The following CFAP74 variants were observed in gnomAD, a reference collection of about 807,000 sequenced individuals.
CFAP74 encodes the protein cilia and flagella associated protein 74.
CFAP74 carries 124 observed loss-of-function variants against 188.9 expected under a neutral mutation model. That is an observed-to-expected ratio of 0.66 (90% CI 0.57 to 0.76). The LOEUF is 0.76. Among genes scored for constraint, CFAP74 ranks in the 30% least tolerant of loss-of-function variants. CFAP74 has a pLI of 0.00. For missense variants in CFAP74, 2,198 were observed against 2,165.2 expected (o/e 1.02, Z -0.30); for synonymous variants, 956 against 916.7 (o/e 1.04, Z -0.77).
chr1:1,989,485 C>T (rs1226895739), intron 2 of CFAP74, among the ~76,000 whole-genome samples: 2 of 152,014 alleles, frequency 1.3e-5, no homozygotes, highest in Non-Finnish European at 2.9e-5. Context: ...ATGAACCTGA[C>T]GTGGAGTCTC....
intron 10 of CFAP74, among the ~76,000 whole-genome samples, chr1:1,969,241 C>A (rs1486974666): frequency 9.8e-6 from 1 of 102,316 alleles, no homozygotes; most frequent in Non-Finnish European, 2.1e-5. Flanking sequence ...CCCAACCCAG[C>A]CCTGCCCAGC....
intron 12 of CFAP74, 87 bp downstream of exon 12, chr1:1,966,284 G>A: frequency 7.9e-7 from 1 of 1,270,640 alleles, no homozygotes; most frequent in Non-Finnish European, 1.1e-6. Context: ...AGCAGCTGGT[G>A]TGGCCGGGGC....
At chr1:1,969,299 A>AGCCCAGCCCTGCACT (rs1388823036) in intron 10 of CFAP74, among the ~76,000 whole-genome samples, 1 of 93,400 alleles carries the variant, frequency 1.1e-5, no homozygotes, top group African/African-American at 4.2e-5. Context: ...AGGCCTTCCC[A>AGCCCAGCCCTGCACT]GCCCAGCCCT....
chr1:1,964,902 G>GCTC lies in CFAP74; in HGVS notation c.1558_1560dup (p.Glu520dup). 1 of 1,613,728 alleles carries GCTC rather than the reference G, an allele frequency of 6.2e-7. No homozygotes were observed. Among genetic ancestry groups the GCTC allele is most frequent in the Non-Finnish European group, 8.5e-7 (1 of 1,179,938 alleles). ...TGCGGGCTCACCTGGAAGTGGAGGA[G>GCTC]CTCCGGTTTGCTGTTGAAGGGGCGT... is the stretch of plus-strand genomic sequence containing the variant. On this transcript the variant is annotated inframe_insertion, in exon 13 of 39. Coordinates refer to ENST00000682832, the MANE Select transcript of CFAP74 (RefSeq NM_001304360.2).
At chr1:1,924,664 C>T (rs1463514410) in intron 33 of CFAP74, 144 bp from the exon 34 acceptor site, 233 of 822,988 alleles carry the variant, frequency 2.8e-4, no homozygotes, top group Middle Eastern at 3.5e-4. Flanking sequence ...GCACACGTGG[C>T]GGTTTATTGA....
Position 1,923,740 on chromosome 1 carries a change from C to G in CFAP74, c.4389+35G>C. 4.3e-6 allele frequency: 7 copies of G among 1,612,640 alleles called. No individual in the cohort carries two copies. Among genetic ancestry groups the G allele is most frequent in the Non-Finnish European group, 5.9e-6 (7 of 1,179,662 alleles). On this transcript the variant is annotated intron_variant, in intron 35 of 38. Transcript: ENST00000682832. This position sits in a 1 kb window ranked among gnomAD's most constrained non-coding sequence, Gnocchi z 6.3. ...GCAAGGCCCTGCGTGGGGCCAGGGC[C>G]GGGCCGGGCTGAGCTTGCAGAGCCA... is the stretch of plus-strand genomic sequence containing the variant.
At chr1:1,922,542 C>T (rs745995329) in intron 38 of CFAP74, 47 bp downstream of exon 38, 2 of 1,600,224 alleles carry the variant, frequency 1.2e-6, no homozygotes, top group Admixed American at 3.4e-5. Flanking sequence ...CCCACCCAGC[C>T]TTTGGCGTTC....
At chr1:1,930,637 G>A (rs1334459675) in intron 25 of CFAP74, among the ~76,000 whole-genome samples, 1 of 152,154 alleles carries the variant, frequency 6.6e-6, no homozygotes, top group Non-Finnish European at 1.5e-5. Context: ...GCTCACTGTA[G>A]CCTCGAACTC....
rs1653830313 is a variant in CFAP74 at position 1,947,181 on chromosome 1, G to A, written c.2177-127C>T. 4.0e-5 allele frequency: 30 copies of A among 750,352 alleles called. 1 individual carries two copies. In the South Asian group the frequency reaches 4.8e-4, roughly 12 times the overall value. The allele number at this position is 750,352 out of a possible 1,614,324, so 46.5% of individuals were successfully genotyped here. ...GGCTCTGTTCTTTCTGAACATAGTG[G>A]AGCCATCCGTGTGGCCCCTTGGGGC... On this transcript the variant is annotated intron_variant, in intron 18 of 38. Transcript: ENST00000682832.
At chr1:1,970,354 G>A (rs1655857812) in intron 10 of CFAP74, among the ~76,000 whole-genome samples, 1 of 152,208 alleles carries the variant, frequency 6.6e-6, no homozygotes, top group Non-Finnish European at 1.5e-5. Flanking sequence ...GTCCCTCCTT[G>A]TGAGAAGTCA....
intron 31 of CFAP74, 47 bp from the exon 32 acceptor site, chr1:1,926,394 C>T (rs1310145372): frequency 1.9e-6 from 3 of 1,550,118 alleles, no homozygotes; most frequent in African/African-American, 1.4e-5. Context: ...GCAGGCTCTA[C>T]CACGCCCTCC....
rs1651937229 is a variant in CFAP74, at chr1:1,926,771, G to A, written c.3663-10C>T. On this transcript the variant is annotated splice_polypyrimidine_tract_variant and intron_variant, in intron 29 of 38. Transcript: ENST00000682832. Reference sequence around the variant, plus strand: ...CAGGGTGTTGTGGGGGCTGGGATAGGAAGGGCATGCTGAGGGCAGGGTGGG... The same window carrying A: ...CAGGGTGTTGTGGGGGCTGGGATAGAAAGGGCATGCTGAGGGCAGGGTGGG... 6.5e-7 allele frequency: 1 copy of A among 1,549,732 alleles called. No individual in the cohort carries two copies. Among genetic ancestry groups the A allele is most frequent in the Non-Finnish European group, 8.7e-7 (1 of 1,146,470 alleles).
chr1:1,938,195 A>T (rs1215379135), intron 25 of CFAP74, among the ~76,000 whole-genome samples: 1 of 148,594 alleles, frequency 6.7e-6, no homozygotes, highest in Non-Finnish European at 1.5e-5. Context: ...ACTCACATTC[A>T]GTCACATGCT....
At chr1:1,991,470 GC>G (rs1314295201) in intron 1 of CFAP74, among the ~76,000 whole-genome samples, 3 of 152,118 alleles carry the variant, frequency 2.0e-5, no homozygotes, top group African/African-American at 7.2e-5. Flanking sequence ...GGGTGTGGTG[GC>G]GCATGCCTAT....
At chr1:1,997,955 C>A (rs763757958) in intron 1 of CFAP74, among the ~76,000 whole-genome samples, 43 of 152,328 alleles carry the variant, frequency 2.8e-4, no homozygotes, top group Non-Finnish European at 5.1e-4. Context: ...TGAAAGTGAG[C>A]ACAAACTGGC....
At chr1:1,991,009 A>C in intron 1 of CFAP74, 34 bp from the exon 2 acceptor site, 1 of 1,393,656 alleles carries the variant, frequency 7.2e-7, no homozygotes, top group Non-Finnish European at 1.0e-6. Flanking sequence ...TAGATCAATA[A>C]AATCATAGAT....
intron 25 of CFAP74, among the ~76,000 whole-genome samples, chr1:1,931,790 C>T (rs968430028): frequency 6.0e-5 from 9 of 149,006 alleles, no homozygotes; most frequent in Non-Finnish European, 1.2e-4. Flanking sequence ...TGGCTGGGCG[C>T]GGTGACTCAC....
At position 1,973,908 on chromosome 1, in the gene CFAP74, G is replaced by T; in HGVS notation, c.674+117C>A. 2.0e-6 allele frequency: 2 copies of T among 977,942 alleles called. No individual in the cohort carries two copies. Among genetic ancestry groups the T allele is most frequent in the South Asian group, 2.2e-5 (1 of 46,162 alleles). 60.6% of individuals were successfully genotyped at this position (977,942 alleles called of 1,614,324 possible). A position where few individuals can be genotyped will look rare whatever the true frequency, so the allele number is the denominator to read the frequency against. ...CTGGGAGGAGGCAGGGAGGGGTGGA[G>T]GTGGATCTGGACAGATGTGGAGGGC... On this transcript the variant is annotated intron_variant, in intron 7 of 38. Coordinates refer to ENST00000682832, the MANE Select transcript of CFAP74 (RefSeq NM_001304360.2). This position sits in a 1 kb window ranked among gnomAD's most constrained non-coding sequence, Gnocchi z 6.2.
At chr1:1,922,818 C>G in intron 37 of CFAP74, 95 bp from the exon 38 acceptor site, 1 of 1,493,892 alleles carries the variant, frequency 6.7e-7, no homozygotes, top group East Asian at 2.3e-5. Context: ...ACTCACCCTC[C>G]CAGCTCTGAC....
Sources: gnomAD v4.1 joint callset for allele counts (sites outside exome capture counted in the v4.1 genomes callset) on GRCh38, gnomAD v4.1.1 for gene constraint, Gnocchi (gnomAD v3.1) non-coding constraint, MANE v1.5 for transcripts, NCBI Gene and HGNC (gene_info 2026-07-23, HGNC 2026-07-21) for gene names.